Variants in CREB5 observed in about 807,000 individuals in gnomAD.
The protein encoded by CREB5 is cyclic AMP-responsive element-binding protein 5.
Under a neutral mutation model 57.1 loss-of-function variants are expected in CREB5, and 19 were observed. That is an observed-to-expected ratio of 0.33 (90% CI 0.23 to 0.49). CREB5 has a LOEUF of 0.49. Ranked by LOEUF, CREB5 falls within the 20% of genes least tolerant of loss-of-function variation. CREB5 has a pLI of 0.99. For synonymous variants in CREB5, 238 were observed against 238.3 expected, an observed-to-expected ratio of 1.00 and a Z score of 0.01; for missense variants, 579 against 671.6, an observed-to-expected ratio of 0.86 and a Z score of 1.52.
chr7:28,367,058 A>G (rs1274319021), intron 1 of CREB5, among the ~76,000 whole-genome samples: 1 of 152,146 alleles, frequency 6.6e-6, no homozygotes, highest in African/African-American at 2.4e-5. Flanking sequence ...AATTTTCGGC[A>G]TACTCTTAAG....
At chr7:28,480,025 TC>T (rs34368133) in intron 1 of CREB5, among the ~76,000 whole-genome samples, 111,665 of 149,128 alleles carry the variant, frequency 0.75, 41,858 homozygotes, top group African/African-American at 0.81. Flanking sequence ...ATCCAAAACC[TC>T]CCCCCCCCCA....
At chr7:28,302,266 A>G (rs1243655088) in intron 1 of CREB5, among the ~76,000 whole-genome samples, 1 of 152,174 alleles carries the variant, frequency 6.6e-6, no homozygotes, top group East Asian at 1.9e-4. Context: ...TTTTGGACTG[A>G]TTTTTGGTTT....
At chr7:28,743,858 T>TTA (rs1804532376) in intron 7 of CREB5, among the ~76,000 whole-genome samples, 2 of 144,974 alleles carry the variant, frequency 1.4e-5, no homozygotes, top group African/African-American at 5.1e-5. Context: ...TTTTTTTTTT[T>TTA]TTTTATTATA....
Position 28,348,217 on chromosome 7 carries a change from G to A in CREB5, c.-25+48776G>A, listed in dbSNP as rs113200103. 3.3e-4 allele frequency among the ~76,000 whole-genome samples: 51 copies of A among 152,286 alleles called. 2 individuals are homozygous for A. Among genetic ancestry groups the A allele is most frequent in the African/African-American group, 1.2e-3 (51 of 41,546 alleles). Reference sequence around the variant, plus strand: ...CAGAAGGAGGTCATGGCAATAGATAGTGTGACTCAGGGAGAACAACGTGGG... The same window carrying A: ...CAGAAGGAGGTCATGGCAATAGATAATGTGACTCAGGGAGAACAACGTGGG... On this transcript the variant is annotated intron_variant, in intron 1 of 9. Coordinates refer to the CREB5 transcript ENST00000396299.
intron 5 of CREB5, among the ~76,000 whole-genome samples, chr7:28,635,316 C>G (rs1188806369): frequency 6.6e-6 from 1 of 152,206 alleles, no homozygotes; most frequent in African/African-American, 2.4e-5. Flanking sequence ...TATTTCTCTG[C>G]TATATCTTAC....
intron 1 of CREB5, among the ~76,000 whole-genome samples, chr7:28,308,700 C>T (rs190240759): frequency 6.6e-6 from 1 of 152,298 alleles, no homozygotes; most frequent in East Asian, 1.9e-4. Context: ...CTACAAACTC[C>T]TGGTCTCATC....
intron 1 of CREB5, among the ~76,000 whole-genome samples, chr7:28,340,223 C>G (rs1157265104): frequency 2.6e-5 from 4 of 152,184 alleles, no homozygotes; most frequent in African/African-American, 9.7e-5. Context: ...TCCTCATAGC[C>G]ACCACAGTTA....
chr7:28,812,035 CTT>C (rs1809149268), intron 9 of CREB5, among the ~76,000 whole-genome samples: 1 of 152,150 alleles, frequency 6.6e-6, no homozygotes, highest in Non-Finnish European at 1.5e-5. Context: ...CATCCTTGGC[CTT>C]TACCCACTAT....
At chr7:28,764,176 C>T (rs1805824159) in intron 7 of CREB5, among the ~76,000 whole-genome samples, 2 of 152,114 alleles carry the variant, frequency 1.3e-5, no homozygotes, top group Non-Finnish European at 1.5e-5. Context: ...TCAAGGACTA[C>T]TCAGTAGATA....
chr7:28,446,825 T>C (rs1789502773), intron 1 of CREB5, among the ~76,000 whole-genome samples: 1 of 152,028 alleles, frequency 6.6e-6, no homozygotes, highest in African/African-American at 2.4e-5. Flanking sequence ...AGTAAAAGAA[T>C]AATTGTCTTA....
At chr7:28,479,531 G>A (rs1791235271) in intron 1 of CREB5, among the ~76,000 whole-genome samples, 1 of 152,182 alleles carries the variant, frequency 6.6e-6, no homozygotes, top group Non-Finnish European at 1.5e-5. Context: ...GCCTTTAAGT[G>A]ACCTCCTAGT....
At chr7:28,604,460 C>A (rs1797036207) in intron 5 of CREB5, among the ~76,000 whole-genome samples, 1 of 152,116 alleles carries the variant, frequency 6.6e-6, no homozygotes, top group Non-Finnish European at 1.5e-5. Flanking sequence ...TCAGAAGAAT[C>A]AAAACTTTCT....
chr7:28,386,888 C>A (rs1159129037), intron 1 of CREB5, among the ~76,000 whole-genome samples: 1 of 152,196 alleles, frequency 6.6e-6, no homozygotes, highest in Non-Finnish European at 1.5e-5. Context: ...CCACCCATGT[C>A]CCTGCAAAGG....
At chr7:28,306,424 C>T (rs1004716941) in intron 1 of CREB5, among the ~76,000 whole-genome samples, 4 of 152,084 alleles carry the variant, frequency 2.6e-5, no homozygotes, top group African/African-American at 9.7e-5. Context: ...TAGCCCATTC[C>T]TAATTGGGTT....
chr7:28,643,751 T>TGG (rs1554279434), intron 5 of CREB5, among the ~76,000 whole-genome samples: 14,739 of 133,148 alleles, frequency 0.11, 980 homozygotes, highest in Non-Finnish European at 0.15. Flanking sequence ...GTTTGGGAGG[T>TGG]GGGGGGGGGC....
chr7:28,771,658 G>A (rs34319044), intron 7 of CREB5, among the ~76,000 whole-genome samples: 4,656 of 152,190 alleles, frequency 0.031, 92 homozygotes, highest in South Asian at 0.1. Context: ...AAACTTCTAA[G>A]TGTATTTTTA....
intron 4 of CREB5, among the ~76,000 whole-genome samples, chr7:28,512,826 G>A (rs187924007): frequency 2.4e-4 from 36 of 152,248 alleles, no homozygotes; most frequent in African/African-American, 8.2e-4. Context: ...TTCTCCCATA[G>A]GACCTAAATC....
chr7:28,512,648 T>TC, intron 4 of CREB5, among the ~76,000 whole-genome samples: 2 of 129,532 alleles, frequency 1.5e-5, no homozygotes, highest in Middle Eastern at 8.0e-3. Context: ...ATATAATAAC[T>TC]GTGTGTGTGT....
chr7:28,650,981 A>G (rs1799105601), intron 5 of CREB5, among the ~76,000 whole-genome samples: 1 of 152,210 alleles, frequency 6.6e-6, no homozygotes, highest in African/African-American at 2.4e-5. Flanking sequence ...AACGCCTTTT[A>G]CAGGTTATTT....
Sources: gnomAD v4.1 joint callset for allele counts (sites outside exome capture counted in the v4.1 genomes callset) on GRCh38, gnomAD v4.1.1 for gene constraint, MANE v1.5 for transcripts, NCBI Gene and HGNC (gene_info 2026-07-23, HGNC 2026-07-21) for gene names.